The following INPP5A variants were observed in gnomAD, a reference collection of about 807,000 sequenced individuals.
INPP5A encodes 43 kDa inositol polyphosphate 5-phophatase.
In INPP5A, 14 loss-of-function variants were observed where a neutral mutation model predicts 65.2. That is an observed-to-expected ratio of 0.21 (90% CI 0.14 to 0.34). The LOEUF (loss-of-function observed/expected upper bound fraction) is 0.34. Ranked by LOEUF, INPP5A falls within the 10% of genes least tolerant of loss-of-function variation. The pLI is 1.00. For synonymous variants in INPP5A, 207 were observed against 208.3 expected, an observed-to-expected ratio of 0.99 and a Z score of 0.05; for missense variants, 431 against 545.6, an observed-to-expected ratio of 0.79 and a Z score of 2.09.
rs143169718 is a variant in INPP5A, at chr10:132,671,462, G to A, written c.307-18930G>A. 2.0e-4 allele frequency among the ~76,000 whole-genome samples: 31 copies of A among 152,076 alleles called. No individual in the cohort carries two copies. The East Asian group carries it at 6.0e-3, about 29-fold the overall frequency. On this transcript the variant is annotated intron_variant, in intron 4 of 15. Coordinates refer to ENST00000368594, the MANE Select transcript of INPP5A (RefSeq NM_005539.5). ...TTCGGACTCGGCCCTCCCTGCTCTG[G>A]ACTCCGCCCTCCCTGCTTCTGACTC...
intron 4 of INPP5A, among the ~76,000 whole-genome samples, chr10:132,664,408 T>C (rs1042280039): frequency 6.6e-6 from 1 of 152,268 alleles, no homozygotes; most frequent in African/African-American, 2.4e-5. Context: ...TGTGAGCTTT[T>C]ATGTCACAGC....
At position 132,640,159 on chromosome 10, in the gene INPP5A, A is replaced by G. The variant is rs190496993; in HGVS notation, c.118-5709A>G. Among the ~76,000 whole-genome samples the G allele has an allele frequency of 8.7e-4, 133 of 152,334 alleles. 1 individual carries two copies. The highest frequency in any genetic ancestry group is 2.7e-3 in the Admixed American group (41 of 15,304). ...CTGGTCATTGTGGATGCTGCGTTGT[A>G]TAGACACTGGCTTTTCTTACGGTTC... On this transcript the variant is annotated intron_variant, in intron 2 of 15. Transcript: ENST00000368594.
rs149514369 is a variant in INPP5A at position 132,637,414 on chromosome 10, G to A, written c.118-8454G>A. The stretch of plus-strand genomic sequence containing the variant: ...GTGTTTCAGGTGAGTGTGTAAGTGC[G>A]GGTCTTTTTCTGTTTTGAAGTTTTC... On this transcript the variant is annotated intron_variant, in intron 2 of 15. Coordinates refer to ENST00000368594, the MANE Select transcript of INPP5A (RefSeq NM_005539.5). This position sits in a 1 kb window ranked among gnomAD's most constrained non-coding sequence, Gnocchi z 4.1. Among the ~76,000 whole-genome samples the A allele has an allele frequency of 2.9e-3, 436 of 149,200 alleles. 1 individual carries two copies. The highest frequency in any genetic ancestry group is 9.9e-3 in the African/African-American group (408 of 41,300).
At chr10:132,599,465 C>T (rs1266204079) in intron 1 of INPP5A, among the ~76,000 whole-genome samples, 1 of 152,244 alleles carries the variant, frequency 6.6e-6, no homozygotes, top group African/African-American at 2.4e-5. Flanking sequence ...GGCAGCTCCG[C>T]CCCTGCGGTT....
intron 11 of INPP5A, among the ~76,000 whole-genome samples, chr10:132,755,613 TGG>T (rs954239044): frequency 1.1e-3 from 167 of 147,198 alleles, no homozygotes; most frequent in Non-Finnish European, 1.8e-3. Context: ...TATGAGTGAG[TGG>T]GTGTGTGTGT....
Position 132,713,590 on chromosome 10 carries a change from C to T in INPP5A, c.647+3134C>T, listed in dbSNP as rs146393455. Among the ~76,000 whole-genome samples, 4 of 152,144 alleles carry T rather than the reference C, an allele frequency of 2.6e-5. No individual in the cohort carries two copies. In the East Asian group the frequency reaches 7.7e-4, roughly 29 times the overall value. ...GGCGTGGCCCCTTATCCCCTCTGAC[C>T]GCCCCTGACCTCCGTCTCCAGAGTG... On this transcript the variant is annotated intron_variant, in intron 8 of 15. Transcript: ENST00000368594.
intron 4 of INPP5A, among the ~76,000 whole-genome samples, chr10:132,664,716 T>A (rs971008586): frequency 6.6e-6 from 1 of 152,156 alleles, no homozygotes; most frequent in Non-Finnish European, 1.5e-5. Flanking sequence ...TTTTCATGAG[T>A]GCACCTTGCC....
chr10:132,648,108 G>A (rs1270103224), intron 3 of INPP5A, among the ~76,000 whole-genome samples: 1 of 152,232 alleles, frequency 6.6e-6, no homozygotes, highest in Middle Eastern at 3.2e-3. Context: ...TGACAAAAAC[G>A]AGTGTTTAAA....
At chr10:132,539,881 C>T (rs1351379971) in intron 1 of INPP5A, among the ~76,000 whole-genome samples, 2 of 152,192 alleles carry the variant, frequency 1.3e-5, no homozygotes, top group East Asian at 3.8e-4. Context: ...ACAAAAGGCG[C>T]TGTTTTTCTG....
chr10:132,736,221 C>T (rs1162673696), intron 9 of INPP5A, among the ~76,000 whole-genome samples: 1 of 152,248 alleles, frequency 6.6e-6, no homozygotes, highest in Non-Finnish European at 1.5e-5. Flanking sequence ...GGTGTGTTTC[C>T]TGCCTCGCGC....
chr10:132,648,260 G>A (rs557748884), intron 3 of INPP5A, among the ~76,000 whole-genome samples: 33 of 152,388 alleles, frequency 2.2e-4, no homozygotes, highest in Non-Finnish European at 4.7e-4. Flanking sequence ...CAGGCCGGAC[G>A]GGAACGATGC....
At chr10:132,668,692 A>C (rs1466259117) in intron 4 of INPP5A, among the ~76,000 whole-genome samples, 1 of 152,188 alleles carries the variant, frequency 6.6e-6, no homozygotes, top group African/African-American at 2.4e-5. Context: ...AGGGCTTATC[A>C]TTCCTCCTGA....
chr10:132,676,170 A>G lies in INPP5A; in HGVS notation c.307-14222A>G, dbSNP rs142222987. Among the ~76,000 whole-genome samples the G allele has an allele frequency of 6.6e-6, 1 of 152,330 alleles. No individual in the cohort carries two copies. Among genetic ancestry groups the G allele is most frequent in the East Asian group, 1.9e-4 (1 of 5,182 alleles). The stretch of plus-strand genomic sequence containing the variant: ...TCATTATTGAAATTTTCAATTTGTG[A>G]AATATTTATTATTCAAAAAATAGCA... On this transcript the variant is annotated intron_variant, in intron 4 of 15. Transcript: ENST00000368594. This position sits in a 1 kb window ranked among gnomAD's most constrained non-coding sequence, Gnocchi z 4.0.
chr10:132,598,515 G>C (rs568128180), intron 1 of INPP5A, among the ~76,000 whole-genome samples: 1 of 152,128 alleles, frequency 6.6e-6, no homozygotes, highest in Non-Finnish European at 1.5e-5. Flanking sequence ...TTTGTGTTTG[G>C]CTTATTTTCC....
chr10:132,642,369 C>G (rs2133386474), intron 2 of INPP5A, among the ~76,000 whole-genome samples: 1 of 152,354 alleles, frequency 6.6e-6, no homozygotes, highest in African/African-American at 2.4e-5. Flanking sequence ...CGGCCATCCT[C>G]TCGCATCAGG....
chr10:132,548,074 T>C (rs1367027085), intron 1 of INPP5A, among the ~76,000 whole-genome samples: 3 of 152,060 alleles, frequency 2.0e-5, no homozygotes, highest in African/African-American at 7.2e-5. Context: ...TAAATTTTTT[T>C]TGTATTTTTA....
chr10:132,744,881 C>T (rs935260966), intron 9 of INPP5A, among the ~76,000 whole-genome samples: 1 of 152,208 alleles, frequency 6.6e-6, no homozygotes, highest in Non-Finnish European at 1.5e-5. Context: ...TCACTTTGTG[C>T]AGCCGCCATG....
chr10:132,548,024 T>C (rs1207294387), intron 1 of INPP5A, among the ~76,000 whole-genome samples: 1 of 152,040 alleles, frequency 6.6e-6, no homozygotes, highest in Non-Finnish European at 1.5e-5. Flanking sequence ...CTCAGCCCCC[T>C]TAGTAGCTGG....
intron 1 of INPP5A, among the ~76,000 whole-genome samples, chr10:132,584,405 CT>C (rs2071522863): frequency 6.6e-6 from 1 of 152,142 alleles, no homozygotes; most frequent in Non-Finnish European, 1.5e-5. Context: ...ACTCAAATTT[CT>C]TTAATAGATA....
Sources: allele counts gnomAD v4.1 joint callset (sites outside exome capture counted in the v4.1 genomes callset), GRCh38; gene constraint gnomAD v4.1.1; non-coding constraint Gnocchi (gnomAD v3.1); transcripts MANE v1.5; gene names NCBI Gene and HGNC (gene_info 2026-07-23, HGNC 2026-07-21).